The following NAT9 variants were observed in gnomAD, a reference collection of about 807,000 sequenced individuals.
The protein encoded by NAT9 is N-acetyltransferase 9.
Under a neutral mutation model 24.0 loss-of-function variants are expected in NAT9, and 18 were observed. The ratio of observed to expected loss-of-function variants is 0.75; its 90% confidence interval spans 0.52 to 1.11. The LOEUF is 1.11. Ranked by LOEUF, NAT9 falls within the 50% of genes most tolerant of loss-of-function variation. The pLI is 0.00. For synonymous variants in NAT9, 104 were observed against 102.3 expected (o/e 1.02, Z -0.10); for missense variants, 254 against 258.6 (o/e 0.98, Z 0.12).
chr17:74,773,467 T>C, intron 3 of NAT9, 109 bp downstream of exon 3: 1 of 985,714 alleles, frequency 1.0e-6, no homozygotes. Flanking sequence ...TCCAGGCTTT[T>C]CACAAAGCTT....
At chr17:74,772,720 G>A (rs981145020) in intron 4 of NAT9, 176 bp downstream of exon 4, 13 of 1,150,430 alleles carry the variant, frequency 1.1e-5, no homozygotes, top group Admixed American at 8.4e-5. Flanking sequence ...TGAGGCTGAG[G>A]GTGTACCACC....
At position 74,772,552 on chromosome 17, in the gene NAT9, G is replaced by A. The variant is rs150720649; in HGVS notation, c.335-275C>T. The A allele has an allele frequency of 8.0e-4, 1,123 of 1,404,788 alleles. 9 individuals carry two copies. In the African/African-American group the frequency reaches 0.015, roughly 19 times the overall value. The allele number at this position is 1,404,788 out of a possible 1,614,324, so 87.0% of individuals were successfully genotyped here. A position where few individuals can be genotyped will look rare whatever the true frequency, so the allele number is the denominator to read the frequency against. ...CTTGGGGGAAACTGAGGACCATGAA[G>A]GAGCAGAAACAGGAGGGCCTCCTCC... On this transcript the variant is annotated intron_variant, in intron 4 of 6. Coordinates refer to ENST00000357814, the MANE Select transcript of NAT9 (RefSeq NM_015654.5).
chr17:74,770,649 T>A lies in NAT9; in HGVS notation c.*1075A>T, dbSNP rs1177544666. On this transcript the variant is annotated 3_prime_UTR_variant, in exon 7 of 7. Transcript: ENST00000357814. ...CAAGATCAAGGGTGCTGGGAGGCCT[T>A]AGGCAAGTCACCTTACTTATCTAAG... is the stretch of plus-strand genomic sequence containing the variant. The A allele has an allele frequency of 6.6e-6, 1 of 152,234 alleles. No individual in the cohort carries two copies. Among genetic ancestry groups the A allele is most frequent in the Non-Finnish European group, 1.5e-5 (1 of 68,054 alleles). The allele number at this position is 152,234 out of a possible 1,614,324, so 9.4% of individuals were successfully genotyped here. A position where few individuals can be genotyped will look rare whatever the true frequency, so the allele number is the denominator to read the frequency against.
intron 2 of NAT9, 150 bp from the exon 3 acceptor site, chr17:74,773,838 A>C (rs564920771): frequency 3.2e-6 from 2 of 628,058 alleles, no homozygotes; most frequent in East Asian, 5.6e-5. Flanking sequence ...GGCCACAGAC[A>C]CAAGACCCAG....
chr17:74,772,714 G>C, intron 4 of NAT9, 182 bp downstream of exon 4: 1 of 1,145,582 alleles, frequency 8.7e-7, no homozygotes, highest in Non-Finnish European at 1.2e-6. Flanking sequence ...AAGTGATGAG[G>C]CTGAGGGTGT....
At position 74,771,355 on chromosome 17, in the gene NAT9, G is replaced by A; in HGVS notation, c.*369C>T. On this transcript the variant is annotated 3_prime_UTR_variant, in exon 7 of 7. Transcript: ENST00000357814. ...GCCTGGAGCTTCACTCCCAGCCAGGGCAGCACCTCTGGCCTCTAAGGAGAA... is the reference window on the plus strand; with the variant it reads ...GCCTGGAGCTTCACTCCCAGCCAGGACAGCACCTCTGGCCTCTAAGGAGAA... The A allele has an allele frequency of 3.6e-6, 1 of 278,304 alleles. No individual in the cohort carries two copies. Among genetic ancestry groups the A allele is most frequent in the Non-Finnish European group, 7.0e-6 (1 of 142,498 alleles). 17.2% of individuals were successfully genotyped at this position (278,304 alleles called of 1,614,324 possible).
intron 2 of NAT9, 53 bp from the exon 3 acceptor site, chr17:74,773,741 C>G: frequency 1.4e-6 from 2 of 1,462,806 alleles, no homozygotes; most frequent in Non-Finnish European, 1.9e-6. Context: ...AGGCATACGT[C>G]TGACACCTTA....
chr17:74,772,846 C>A (rs1423688044), intron 4 of NAT9, 50 bp downstream of exon 4: 3 of 1,609,374 alleles, frequency 1.9e-6, no homozygotes, highest in Admixed American at 1.7e-5. Flanking sequence ...GCTCAGTCAG[C>A]AGATCTGAGA....
chr17:74,775,149 C>T (rs1267886937), intron 2 of NAT9, among the ~76,000 whole-genome samples: 1 of 151,952 alleles, frequency 6.6e-6, no homozygotes, highest in African/African-American at 2.4e-5. Flanking sequence ...GCCACCGCAC[C>T]CGGCCGTTTT....
chr17:74,773,522 T>G, intron 3 of NAT9, 54 bp downstream of exon 3: 1 of 1,460,032 alleles, frequency 6.8e-7, no homozygotes, highest in Admixed American at 1.7e-5. Flanking sequence ...AGACTGACTG[T>G]GGAGTCAGCC....
chr17:74,772,810 G>A lies in NAT9; in HGVS notation c.334+86C>T. ...TGGAGCCTCCCAGTGAACCCTGTGA[G>A]TGCCCACCCTTTGCAGCCTCGGCAG... On this transcript the variant is annotated intron_variant, in intron 4 of 6. Coordinates refer to ENST00000357814, the MANE Select transcript of NAT9 (RefSeq NM_015654.5). 3.2e-6 allele frequency: 5 copies of A among 1,572,326 alleles called. No homozygotes were observed. In the East Asian group the frequency reaches 9.0e-5, roughly 28 times the overall value.
At chr17:74,773,172 G>A in intron 3 of NAT9, 133 bp from the exon 4 acceptor site, 1 of 1,116,676 alleles carries the variant, frequency 9.0e-7, no homozygotes, top group Non-Finnish European at 1.2e-6. Flanking sequence ...GGGTCCCAGA[G>A]CTTCCTTCAG....
intron 3 of NAT9, 55 bp from the exon 4 acceptor site, chr17:74,773,094 G>A (rs955915943): frequency 6.3e-7 from 1 of 1,590,598 alleles, no homozygotes; most frequent in South Asian, 1.1e-5. Flanking sequence ...GAGAAGAGAG[G>A]ATGGTACTCC....
At chr17:74,772,574 C>G (rs2035376197) in intron 4 of NAT9, 1 of 1,406,136 alleles carries the variant, frequency 7.1e-7, no homozygotes. Flanking sequence ...GGAGGGCCTC[C>G]TCCTGTAATA....
Position 74,771,973 on chromosome 17 carries a change from A to G in NAT9, c.476T>C (p.Leu159Pro). 1.2e-6 allele frequency: 2 copies of G among 1,614,222 alleles called. No individual in the cohort carries two copies. The highest frequency in any genetic ancestry group is 1.7e-6 in the Non-Finnish European group (2 of 1,180,034). The change falls in exon 6 of 7, where the codon CTT becomes CCT. Residue 159 changes from leucine to proline, a missense_variant. Coordinates refer to ENST00000357814, the MANE Select transcript of NAT9 (RefSeq NM_015654.5). Reference protein sequence around the residue: ...NEPSIRMFQKLHFEQVATSSV... With the variant: ...NEPSIRMFQKPHFEQVATSSV... ...GGACATCCTTACCTGCTCAAAGTGA[A>G]GTTTCTGGAACATCCGGATGCTTGG...
chr17:74,775,666 C>T lies in NAT9; in HGVS notation c.33G>A (p.Gly11=). 6.2e-7 allele frequency: 1 copy of T among 1,614,072 alleles called. No individual in the cohort carries two copies. Among genetic ancestry groups the T allele is most frequent in the Non-Finnish European group, 8.5e-7 (1 of 1,179,942 alleles). The change falls in exon 2 of 7, where the codon GGG becomes GGA. Residue 11 remains glycine (G), a synonymous_variant. Transcript: ENST00000357814. MRLNQNTLLL[G]KKVVLVPYTS... ...TGTAGGGTACAAGGACCACCTTCTTCCCCAGCAGCAAGGTGTTCTGATTCA... is the reference window on the plus strand; with the variant it reads ...TGTAGGGTACAAGGACCACCTTCTTTCCCAGCAGCAAGGTGTTCTGATTCA...
intron 3 of NAT9, chr17:74,773,372 C>T (rs955884742): frequency 1.0e-5 from 6 of 598,814 alleles, no homozygotes; most frequent in East Asian, 5.6e-5. Context: ...CTTCCAAGCC[C>T]GATGCAGTGG....
In NAT9 at chr17:74,775,635, C is replaced by T. The variant is rs745508587; in HGVS notation, c.64G>A (p.Glu22Lys). 1.2e-6 allele frequency: 2 copies of T among 1,613,978 alleles called. No individual in the cohort carries two copies. The highest frequency in any genetic ancestry group is 1.7e-6 in the Non-Finnish European group (2 of 1,179,884). ...KKVVLVPYTS[E>K]HVPSRYHEWM... Reference sequence around the variant, plus strand: ...CGGGAAAGATACCTGGGCACATGCTCCGAGGTGTAGGGTACAAGGACCACC... The same window carrying T: ...CGGGAAAGATACCTGGGCACATGCTTCGAGGTGTAGGGTACAAGGACCACC... The change falls in exon 2 of 7, where the codon GAG (glutamate) becomes AAG (lysine). Residue 22 changes from glutamate to lysine, a missense_variant. Transcript: ENST00000357814.
In NAT9 at chr17:74,770,990, G is replaced by C. The variant is rs892438596; in HGVS notation, c.*734C>G. The C allele has an allele frequency of 6.6e-6, 1 of 152,432 alleles. No homozygotes were observed. The highest frequency in any genetic ancestry group is 1.5e-5 in the Non-Finnish European group (1 of 68,224). The allele number at this position is 152,432 out of a possible 1,614,324, so 9.4% of individuals were successfully genotyped here. A position where few individuals can be genotyped will look rare whatever the true frequency, so the allele number is the denominator to read the frequency against. ...AGAGGGACAGAGCTGATGGCCTGAC[G>C]CTCTCTTCAGGAGGGCACCCCCAAG... On this transcript the variant is annotated 3_prime_UTR_variant, in exon 7 of 7. Coordinates refer to ENST00000357814, the MANE Select transcript of NAT9 (RefSeq NM_015654.5).
Sources: allele counts gnomAD v4.1 joint callset (sites outside exome capture counted in the v4.1 genomes callset), GRCh38; gene constraint gnomAD v4.1.1; transcripts MANE v1.5; gene names NCBI Gene and HGNC (gene_info 2026-07-23, HGNC 2026-07-21).